The following CDC14A variants were observed in gnomAD, a reference collection of about 807,000 sequenced individuals.
CDC14A encodes cell division cycle 14A, also known as dual specificity protein phosphatase CDC14A.
Under a neutral mutation model 74.4 loss-of-function variants are expected in CDC14A, and 53 were observed. The ratio of observed to expected loss-of-function variants is 0.71; its 90% CI spans 0.57 to 0.89. CDC14A has a LOEUF of 0.89. Among genes scored for constraint, CDC14A ranks in the 40% least tolerant of loss-of-function variants. CDC14A has a pLI of 0.00. For synonymous variants in CDC14A, 247 were observed against 258.4 expected (o/e 0.96, Z 0.43); for missense variants, 646 against 713.7 (o/e 0.91, Z 1.08).
At chr1:100,417,465 T>C (rs1661684668) in intron 4 of CDC14A, among the ~76,000 whole-genome samples, 1 of 152,242 alleles carries the variant, frequency 6.6e-6, no homozygotes, top group African/African-American at 2.4e-5. Context: ...CACCTCCTGC[T>C]GGCTGCGTTG....
intron 9 of CDC14A, among the ~76,000 whole-genome samples, chr1:100,463,784 T>C (rs2101228364): frequency 6.6e-6 from 1 of 152,258 alleles, no homozygotes; most frequent in South Asian, 2.1e-4. Flanking sequence ...GTATGGATAA[T>C]ACTGGAAATA....
intron 9 of CDC14A, among the ~76,000 whole-genome samples, 169 bp from the exon 10 acceptor site, chr1:100,467,787 T>A (rs981973516): frequency 6.6e-6 from 1 of 152,226 alleles, no homozygotes; most frequent in South Asian, 2.1e-4. Flanking sequence ...GCCCTTTTCA[T>A]TGTTTAAAGA....
chr1:100,479,244 G>A (rs1669215436), intron 10 of CDC14A, among the ~76,000 whole-genome samples: 1 of 152,252 alleles, frequency 6.6e-6, no homozygotes, highest in South Asian at 2.1e-4. Context: ...AGTTGAGATT[G>A]ACTTCTATCA....
chr1:100,431,258 TGC>T (rs1157397566), intron 5 of CDC14A, among the ~76,000 whole-genome samples: 3 of 152,182 alleles, frequency 2.0e-5, no homozygotes, highest in Non-Finnish European at 4.4e-5. Context: ...AACAAGAAGG[TGC>T]TTTGGTGATT....
intron 11 of CDC14A, among the ~76,000 whole-genome samples, chr1:100,490,558 G>A (rs920806603): frequency 2.0e-5 from 3 of 152,052 alleles, no homozygotes; most frequent in Admixed American, 2.0e-4. Flanking sequence ...CTCCCATGTG[G>A]TTTCCCGTAC....
chr1:100,381,696 A>G (rs1359570557), intron 3 of CDC14A, among the ~76,000 whole-genome samples: 1 of 152,074 alleles, frequency 6.6e-6, no homozygotes. Context: ...CCTTATTTTA[A>G]TTATGTCAAT....
intron 2 of CDC14A, 94 bp downstream of exon 2, chr1:100,353,946 C>T (rs1290727066): frequency 1.1e-5 from 8 of 696,026 alleles, no homozygotes; most frequent in South Asian, 4.9e-5. Flanking sequence ...TTATTCATTT[C>T]CCCCCCAATG....
intron 15 of CDC14A, among the ~76,000 whole-genome samples, chr1:100,511,446 C>G (rs1649780003): frequency 6.6e-6 from 1 of 152,212 alleles, no homozygotes; most frequent in Non-Finnish European, 1.5e-5. Context: ...CCTTCTACTC[C>G]TAAGCCTGCC....
At chr1:100,499,511 A>G in intron 15 of CDC14A, 1 of 1,261,970 alleles carries the variant, frequency 7.9e-7, no homozygotes, top group Non-Finnish European at 1.1e-6. Context: ...CTCCTTTTTA[A>G]GTAGTTTCTC....
In CDC14A at chr1:100,442,979, G is replaced by A; in HGVS notation, c.502G>A (p.Glu168Lys). 1.3e-6 allele frequency: 2 copies of A among 1,596,562 alleles called. No individual in the cohort carries two copies. Among genetic ancestry groups the A allele is most frequent in the Non-Finnish European group, 1.7e-6 (2 of 1,165,084 alleles). ...FFDFETFDVD[E>K]YEHYERVENG... Reference sequence around the variant, plus strand: ...TGACTTTGAGACATTTGATGTGGATGAATATGAACATTATGAGGTTTGTAC... The same window carrying A: ...TGACTTTGAGACATTTGATGTGGATAAATATGAACATTATGAGGTTTGTAC... The change falls in exon 7 of 16, where the codon GAA becomes AAA. Residue 168 changes from glutamate (E) to lysine (K), a missense_variant. Transcript: ENST00000336454.
At chr1:100,499,328 C>T (rs969833622) in intron 15 of CDC14A, 66 bp downstream of exon 15, 1 of 1,613,982 alleles carries the variant, frequency 6.2e-7, no homozygotes, top group African/African-American at 1.3e-5. Context: ...CCTTGCCTTC[C>T]CAGCCGAGGC....
chr1:100,484,747 T>C (rs1669860559), intron 11 of CDC14A: 4 of 1,005,190 alleles, frequency 4.0e-6, no homozygotes, highest in African/African-American at 1.7e-5. Context: ...AAAATAAATA[T>C]CAAGAAGAAA....
chr1:100,358,825 T>A (rs920824405), intron 2 of CDC14A, among the ~76,000 whole-genome samples: 6 of 152,300 alleles, frequency 3.9e-5, no homozygotes, highest in African/African-American at 1.4e-4. Context: ...CATAGAATAT[T>A]TATGAGAGAA....
intron 3 of CDC14A, among the ~76,000 whole-genome samples, chr1:100,388,527 T>G (rs2100981271): frequency 6.6e-6 from 1 of 152,320 alleles, no homozygotes; most frequent in South Asian, 2.1e-4. Flanking sequence ...ATAGGAGTAT[T>G]TGTATAAACC....
At chr1:100,493,686 A>C (rs1566213) in intron 11 of CDC14A, among the ~76,000 whole-genome samples, 1 of 152,148 alleles carries the variant, frequency 6.6e-6, no homozygotes. Context: ...ACTTGCACCC[A>C]TTCTTTAAGG....
intron 2 of CDC14A, among the ~76,000 whole-genome samples, chr1:100,368,579 C>A (rs1653974213): frequency 6.6e-6 from 1 of 152,106 alleles, no homozygotes; most frequent in African/African-American, 2.4e-5. Flanking sequence ...ATGACGAATT[C>A]TTTTTTAAAA....
intron 5 of CDC14A, among the ~76,000 whole-genome samples, chr1:100,438,492 T>C (rs1413317450): frequency 2.6e-5 from 4 of 152,204 alleles, no homozygotes; most frequent in African/African-American, 4.8e-5. Flanking sequence ...TTCTCTGGCA[T>C]AGCCCATTAA....
chr1:100,388,632 A>G (rs1255781613), intron 3 of CDC14A, among the ~76,000 whole-genome samples: 2 of 152,108 alleles, frequency 1.3e-5, no homozygotes, highest in Non-Finnish European at 2.9e-5. Flanking sequence ...TTTGAGACAA[A>G]TTCTTGTTCT....
At chr1:100,485,379 G>T (rs1669924742) in intron 11 of CDC14A, 1 of 913,080 alleles carries the variant, frequency 1.1e-6, no homozygotes, top group East Asian at 1.2e-4. Context: ...GAGAAAAAAA[G>T]AAAAGAAAAA....
Sources: gnomAD v4.1 joint callset for allele counts (sites outside exome capture counted in the v4.1 genomes callset) on GRCh38, gnomAD v4.1.1 for gene constraint, MANE v1.5 for transcripts, NCBI Gene and HGNC (gene_info 2026-07-23, HGNC 2026-07-21) for gene names.